The following DGKB variants were observed in gnomAD, a reference collection of about 807,000 sequenced individuals.
DGKB encodes the protein 90 kDa diacylglycerol kinase.
Under a neutral mutation model 114.3 loss-of-function variants are expected in DGKB, and 67 were observed. The observed-to-expected ratio is 0.59, with a 90% CI of 0.48 to 0.72. The LOEUF (loss-of-function observed/expected upper bound fraction) is 0.72, where lower values mean the gene tolerates loss of function less well. DGKB is among the 30% of genes least tolerant of loss of function. The pLI is 0.00. For missense variants in DGKB, 907 were observed against 975.2 expected, an observed-to-expected ratio of 0.93 and a Z score of 0.93; for synonymous variants, 398 against 323.1, an observed-to-expected ratio of 1.23 and a Z score of -2.49.
chr7:14,412,896 G>A (rs148999677), intron 21 of DGKB, among the ~76,000 whole-genome samples: 3,639 of 151,884 alleles, frequency 0.024, 67 homozygotes, highest in Non-Finnish European at 0.038. Flanking sequence ...CAGGAGAATC[G>A]CTTGAACCCA....
chr7:14,761,837 C>A (rs1405266445), intron 2 of DGKB, among the ~76,000 whole-genome samples: 2 of 152,114 alleles, frequency 1.3e-5, no homozygotes, highest in African/African-American at 4.8e-5. Flanking sequence ...CTAGGCAGCC[C>A]AGTGCTGAGC....
intron 23 of DGKB, among the ~76,000 whole-genome samples, chr7:14,194,330 T>C (rs1455792497): frequency 6.6e-6 from 1 of 152,090 alleles, no homozygotes; most frequent in Non-Finnish European, 1.5e-5. Context: ...GGATAAAAAA[T>C]GTGGCAAATA....
At chr7:14,743,417 A>C (rs983361863) in intron 4 of DGKB, among the ~76,000 whole-genome samples, 2 of 152,144 alleles carry the variant, frequency 1.3e-5, no homozygotes, top group African/African-American at 4.8e-5. Context: ...CAAAATAACC[A>C]ACTGGGATTG....
At chr7:14,939,182 G>C (rs1313563221) in intron 1 of DGKB, among the ~76,000 whole-genome samples, 2 of 151,834 alleles carry the variant, frequency 1.3e-5, no homozygotes, top group Non-Finnish European at 1.5e-5. Flanking sequence ...TACATAGTAT[G>C]TACCCAATAA....
At chr7:14,331,906 A>C (rs1162059501) in intron 23 of DGKB, among the ~76,000 whole-genome samples, 1 of 152,162 alleles carries the variant, frequency 6.6e-6, no homozygotes, top group African/African-American at 2.4e-5. Flanking sequence ...AATCAGATAC[A>C]CAGTCTCTCC....
intron 4 of DGKB, among the ~76,000 whole-genome samples, chr7:14,746,438 A>T (rs1444244073): frequency 6.6e-6 from 1 of 152,116 alleles, no homozygotes; most frequent in Non-Finnish European, 1.5e-5. Flanking sequence ...AAATAAAAGG[A>T]TTAGGTTAAA....
intron 1 of DGKB, among the ~76,000 whole-genome samples, chr7:14,934,057 C>T (rs1470497993): frequency 2.0e-5 from 3 of 151,996 alleles, no homozygotes; most frequent in Admixed American, 6.6e-5. Context: ...CCTGAATACC[C>T]TTTTGTTGTT....
At chr7:14,176,246 C>T (rs1234381571) in intron 25 of DGKB, 17 of 778,550 alleles carry the variant, frequency 2.2e-5, no homozygotes, top group Non-Finnish European at 2.5e-5. Flanking sequence ...AAAGCAGTTC[C>T]TAGCATGTTT....
At chr7:14,578,661 C>T (rs1799510934) in intron 19 of DGKB, among the ~76,000 whole-genome samples, 1 of 152,190 alleles carries the variant, frequency 6.6e-6, no homozygotes, top group African/African-American at 2.4e-5. Context: ...AAGCTCTAGT[C>T]TGCTCACTTT....
chr7:14,282,534 C>T (rs1186271088), intron 23 of DGKB, among the ~76,000 whole-genome samples: 20 of 151,932 alleles, frequency 1.3e-4, no homozygotes, highest in South Asian at 2.1e-4. Flanking sequence ...CATTCTGATA[C>T]CAAAGCCGGG....
chr7:14,597,699 A>G (rs1021127497), intron 17 of DGKB, among the ~76,000 whole-genome samples: 3 of 152,140 alleles, frequency 2.0e-5, no homozygotes, highest in African/African-American at 7.2e-5. Flanking sequence ...ACTGTTGTCC[A>G]GAGAGATTTT....
At chr7:14,759,292 T>C (rs961605763) in intron 2 of DGKB, among the ~76,000 whole-genome samples, 1 of 152,156 alleles carries the variant, frequency 6.6e-6, no homozygotes, top group African/African-American at 2.4e-5. Flanking sequence ...AATTTCAAAG[T>C]GTACAATTCA....
chr7:14,648,191 A>C (rs1563785184), intron 13 of DGKB, among the ~76,000 whole-genome samples: 1 of 152,360 alleles, frequency 6.6e-6, no homozygotes, highest in Non-Finnish European at 1.5e-5. Flanking sequence ...CTCTGGGGGC[A>C]AGGCACAGAC....
At chr7:14,953,284 T>C (rs1786310341) in intron 1 of DGKB, among the ~76,000 whole-genome samples, 1 of 152,066 alleles carries the variant, frequency 6.6e-6, no homozygotes, top group African/African-American at 2.4e-5. Context: ...ACTGAATGGA[T>C]AAAGTATTTG....
At chr7:14,788,595 T>C (rs1840218864) in intron 2 of DGKB, among the ~76,000 whole-genome samples, 1 of 152,196 alleles carries the variant, frequency 6.6e-6, no homozygotes. Flanking sequence ...CAGACAACTA[T>C]GGGTAGCCCA....
intron 21 of DGKB, among the ~76,000 whole-genome samples, chr7:14,424,784 G>A (rs1172799360): frequency 6.6e-6 from 1 of 151,952 alleles, no homozygotes; most frequent in Non-Finnish European, 1.5e-5. Context: ...TGAAATAATT[G>A]CCCAGATCAC....
chr7:14,698,009 GA>G, intron 8 of DGKB, 85 bp downstream of exon 8: 1 of 736,600 alleles, frequency 1.4e-6, no homozygotes, highest in South Asian at 1.6e-5. Flanking sequence ...AAGAAAGAAA[GA>G]AAGAAAGAGA....
At chr7:14,972,352 T>A (rs1212575225) in intron 1 of DGKB, among the ~76,000 whole-genome samples, 1 of 152,266 alleles carries the variant, frequency 6.6e-6, no homozygotes, top group East Asian at 1.9e-4. Flanking sequence ...ATTTTGTGAC[T>A]AACAGAGATT....
chr7:14,395,497 T>G (rs895942132), intron 21 of DGKB, among the ~76,000 whole-genome samples: 1 of 151,882 alleles, frequency 6.6e-6, no homozygotes, highest in East Asian at 1.9e-4. Flanking sequence ...TTTAAAGATA[T>G]GGGTAAACAT....
Sources: gnomAD v4.1 joint callset for allele counts (sites outside exome capture counted in the v4.1 genomes callset) on GRCh38, gnomAD v4.1.1 for gene constraint, MANE v1.5 for transcripts, NCBI Gene and HGNC (gene_info 2026-07-23, HGNC 2026-07-21) for gene names.